The following NLRC4 variants were observed in gnomAD, a reference collection of about 807,000 sequenced individuals.
NLRC4 encodes NLR family CARD domain containing 4.
Under a neutral mutation model 79.9 loss-of-function variants are expected in NLRC4, and 63 were observed. The observed-to-expected ratio is 0.79, with a 90% CI of 0.64 to 0.97. The LOEUF is 0.97. Among genes scored for constraint, NLRC4 ranks in the 50% least tolerant of loss-of-function variants. The probability of loss-of-function intolerance (pLI) is 0.00; values close to 1 mark genes in which losing one functional copy is unlikely to be tolerated. For missense variants in NLRC4, 1,074 were observed against 1,215.2 expected, an observed-to-expected ratio of 0.88 and a Z score of 1.73; for synonymous variants, 461 against 456.5, an observed-to-expected ratio of 1.01 and a Z score of -0.12.
Position 32,250,340 on chromosome 2 carries a change from G to C in NLRC4, c.1524C>G (p.His508Gln). Residue 508 changes from histidine to glutamine, a missense_variant, in exon 4 of 9, where the codon CAC becomes CAG. Physicochemically the swap from His to Gln is conservative, Grantham distance 24. Coordinates refer to ENST00000402280, the MANE Select transcript of NLRC4 (RefSeq NM_001199138.2). The surrounding 1 kb of genome is among the most constrained non-coding windows in gnomAD (Gnocchi z 4.9). Reference sequence around the variant, plus strand: ...AGCCGTGTTGATACACTGCTGCGAGGTGCTTCATAACAGCCCTGGTGGCTT... The same window carrying C: ...AGCCGTGTTGATACACTGCTGCGAGCTGCTTCATAACAGCCCTGGTGGCTT... ...SVEATRAVMK[H>Q]LAAVYQHGCL... 1 of 1,614,166 alleles carries C rather than the reference G, an allele frequency of 6.2e-7. No individual in the cohort carries two copies. Among genetic ancestry groups the C allele is most frequent in the Non-Finnish European group, 8.5e-7 (1 of 1,180,024 alleles).
intron 8 of NLRC4, among the ~76,000 whole-genome samples, chr2:32,235,015 T>C (rs1293342694): frequency 6.6e-6 from 1 of 152,256 alleles, no homozygotes; most frequent in East Asian, 1.9e-4. Context: ...AAAGATATTT[T>C]GTGGCTCTAT....
At chr2:32,232,826 G>A (rs1686569793) in intron 8 of NLRC4, among the ~76,000 whole-genome samples, 1 of 152,176 alleles carries the variant, frequency 6.6e-6, no homozygotes, top group Non-Finnish European at 1.5e-5. Context: ...ACAGGAGGTT[G>A]TGGTTTGAGA....
chr2:32,239,553 T>C (rs1686748757), intron 5 of NLRC4, among the ~76,000 whole-genome samples: 2 of 152,164 alleles, frequency 1.3e-5, no homozygotes, highest in Non-Finnish European at 2.9e-5. Context: ...TTAGGGATCA[T>C]TATATCTATG....
chr2:32,250,634 C>T lies in NLRC4; in HGVS notation c.1230G>A (p.Leu410=). The change falls in exon 4 of 9, where the codon CTG becomes CTA. Residue 410 remains leucine (L), a synonymous_variant. Transcript: ENST00000402280. This position sits in a 1 kb window ranked among gnomAD's most constrained non-coding sequence, Gnocchi z 4.9. The part of the protein sequence containing the change: ...GVFSHKFDFE[L]QDVSSVNEDV... ...CCTCATTCACGCTGGACACATCCTG[C>T]AGTTCGAAATCAAACTTGTGGGAGA... 1.2e-6 allele frequency: 2 copies of T among 1,614,174 alleles called. No homozygotes were observed. The highest frequency in any genetic ancestry group is 1.7e-6 in the Non-Finnish European group (2 of 1,180,032).
chr2:32,255,077 C>A (rs921437086), intron 2 of NLRC4, among the ~76,000 whole-genome samples: 8 of 151,918 alleles, frequency 5.3e-5, no homozygotes. Context: ...CTGCTGCTGA[C>A]CTCAGCTAGA....
Position 32,235,501 on chromosome 2 carries a change from G to T in NLRC4, c.2682C>A (p.Gly894=). The part of the protein sequence containing the change: ...LMLPWGCDVQ[G]SLSSLLKHLE... Reference sequence around the variant, plus strand: ...AATGTTTCAACAGGCTGCTCAGGCTGCCTTGCACGTCACAGCCCCAGGGCA... The same window carrying T: ...AATGTTTCAACAGGCTGCTCAGGCTTCCTTGCACGTCACAGCCCCAGGGCA... Residue 894 remains glycine (G), a synonymous_variant, in exon 8 of 9, where the codon GGC becomes GGA. Coordinates refer to ENST00000402280, the MANE Select transcript of NLRC4 (RefSeq NM_001199138.2). The T allele has an allele frequency of 6.2e-7, 1 of 1,614,130 alleles. No homozygotes were observed. The highest frequency in any genetic ancestry group is 8.5e-7 in the Non-Finnish European group (1 of 1,179,944).
Position 32,249,870 on chromosome 2 carries a change from G to A in NLRC4, c.1994C>T (p.Thr665Ile). ...ATTCAACTTGCTGAAATCCCGGAGT[G>A]TGACCTCCAGAGTCCTGAATTCCTG... ...WKQEFRTLEV[T>I]LRDFSKLNKQ... Residue 665 changes from threonine to isoleucine, a missense_variant, in exon 4 of 9, where the codon ACA (threonine) becomes ATA (isoleucine). Physicochemically the swap from Thr to Ile is moderately conservative, Grantham distance 89. Coordinates refer to ENST00000402280, the MANE Select transcript of NLRC4 (RefSeq NM_001199138.2). The A allele has an allele frequency of 6.2e-7, 1 of 1,614,180 alleles. No individual in the cohort carries two copies. The highest frequency in any genetic ancestry group is 8.5e-7 in the Non-Finnish European group (1 of 1,180,032).
chr2:32,257,555 C>G (rs2148946730), intron 1 of NLRC4, among the ~76,000 whole-genome samples: 1 of 149,564 alleles, frequency 6.7e-6, no homozygotes, highest in South Asian at 2.1e-4. Context: ...TGCAGTGAGC[C>G]GAGATCGTGC....
rs1687218987 is a variant in NLRC4, at chr2:32,256,906, C to G, written c.-118-13G>C. The stretch of plus-strand genomic sequence containing the variant: ...ACTACTCTTCATTCTGTAAAACAAA[C>G]AAAACAGAACCAGAGACTATCAGGT... On this transcript the variant is annotated splice_polypyrimidine_tract_variant and intron_variant, in intron 1 of 8. Transcript: ENST00000402280. 6.2e-6 allele frequency: 4 copies of G among 649,212 alleles called. No individual in the cohort carries two copies. The highest frequency in any genetic ancestry group is 1.8e-5 in the African/African-American group (1 of 55,318). 40.2% of individuals were successfully genotyped at this position (649,212 alleles called of 1,614,324 possible). A position where few individuals can be genotyped will look rare whatever the true frequency, so the allele number is the denominator to read the frequency against.
intron 8 of NLRC4, among the ~76,000 whole-genome samples, chr2:32,234,777 A>G (rs963738647): frequency 6.6e-6 from 1 of 152,254 alleles, no homozygotes; most frequent in Admixed American, 6.5e-5. Flanking sequence ...CTCTCATGAG[A>G]GAGGTCAAGC....
chr2:32,247,862 AGC>A (rs1402049481), intron 4 of NLRC4, among the ~76,000 whole-genome samples: 31 of 152,282 alleles, frequency 2.0e-4, no homozygotes, highest in Admixed American at 3.9e-4. Flanking sequence ...TGTCTTTTGC[AGC>A]AACATTGATG....
rs534230404 is a variant in NLRC4 at position 32,255,203 on chromosome 2, G to A, written c.1+1572C>T. ...GTAACCTCTAAGTCTGTGTCCCATT[G>A]TGATCTTCAGTTTAGAGCTAAAGAA... is the stretch of plus-strand genomic sequence containing the variant. On this transcript the variant is annotated intron_variant, in intron 2 of 8. Transcript: ENST00000402280. 2.7e-5 allele frequency among the ~76,000 whole-genome samples: 4 copies of A among 150,846 alleles called. No homozygotes were observed. In the South Asian group the frequency reaches 8.3e-4, roughly 31 times the overall value.
At chr2:32,251,702 A>T (rs1396164165) in intron 3 of NLRC4, 101 bp from the exon 4 acceptor site, 1 of 772,632 alleles carries the variant, frequency 1.3e-6, no homozygotes, top group Non-Finnish European at 2.2e-6. Context: ...AGAATCTGCC[A>T]TTGGTGAATG....
At chr2:32,252,762 T>C (rs1038048110) in intron 2 of NLRC4, 83 bp from the exon 3 acceptor site, 13 of 1,219,336 alleles carry the variant, frequency 1.1e-5, no homozygotes, top group Non-Finnish European at 2.3e-6. Context: ...CTCACGCCTG[T>C]AATCCCAGCA....
rs1687430515 is a variant in NLRC4 at position 32,264,784 on chromosome 2, T to A, written c.-165A>T. ...CCTCTTCTTGGGAGACCAAGACATG[T>A]TTTTAAAATAAAGTTTCTTTGTATT... On this transcript the variant is annotated 5_prime_UTR_variant, in exon 1 of 9. Coordinates refer to ENST00000402280, the MANE Select transcript of NLRC4 (RefSeq NM_001199138.2). The A allele has an allele frequency of 6.6e-6, 1 of 152,162 alleles. No homozygotes were observed. Among genetic ancestry groups the A allele is most frequent in the African/African-American group, 2.4e-5 (1 of 41,442 alleles). 9.4% of individuals were successfully genotyped at this position (152,162 alleles called of 1,614,324 possible). A position where few individuals can be genotyped will look rare whatever the true frequency, so the allele number is the denominator to read the frequency against.
intron 2 of NLRC4, among the ~76,000 whole-genome samples, chr2:32,253,674 C>T (rs552442593): frequency 2.8e-4 from 42 of 151,818 alleles, no homozygotes; most frequent in Non-Finnish European, 4.4e-4. Context: ...ATTTCAATTA[C>T]GTGCTGCTGG....
intron 2 of NLRC4, 28 bp from the exon 3 acceptor site, chr2:32,252,707 T>C: frequency 6.3e-7 from 1 of 1,594,694 alleles, no homozygotes; most frequent in Non-Finnish European, 8.6e-7. Context: ...AATATACATA[T>C]TTATTTACTT....
chr2:32,231,298 G>A (rs1222547732), intron 8 of NLRC4, among the ~76,000 whole-genome samples: 1 of 152,000 alleles, frequency 6.6e-6, no homozygotes, highest in Non-Finnish European at 1.5e-5. Context: ...GGGATTACAG[G>A]TATGTGCCAC....
chr2:32,246,705 A>T (rs1686945730), intron 4 of NLRC4, among the ~76,000 whole-genome samples: 1 of 152,252 alleles, frequency 6.6e-6, no homozygotes, highest in Admixed American at 6.5e-5. Context: ...TTGCCCTCGC[A>T]TATCTGTGTC....
Sources: gnomAD v4.1 joint callset for allele counts (sites outside exome capture counted in the v4.1 genomes callset) on GRCh38, gnomAD v4.1.1 for gene constraint, Gnocchi (gnomAD v3.1) non-coding constraint, MANE v1.5 for transcripts, NCBI Gene and HGNC (gene_info 2026-07-23, HGNC 2026-07-21) for gene names.